The following CACNA2D3 variants were observed in gnomAD, a reference collection of about 807,000 sequenced individuals.
The protein encoded by CACNA2D3 is voltage-dependent calcium channel subunit alpha-2/delta-3.
In CACNA2D3, 60 loss-of-function variants were observed where a neutral mutation model predicts 160.6. The ratio of observed to expected loss-of-function variants is 0.37; its 90% CI spans 0.30 to 0.46. CACNA2D3 has a LOEUF of 0.46. Among genes scored for constraint, CACNA2D3 ranks in the 20% least tolerant of loss-of-function variants. The probability of loss-of-function intolerance (pLI) is 1.00; values close to 1 mark genes in which losing one functional copy is unlikely to be tolerated. For missense variants in CACNA2D3, 1,205 were observed against 1,365.0 expected (o/e 0.88, Z 1.85); for synonymous variants, 558 against 492.9 (o/e 1.13, Z -1.75).
At chr3:54,689,176 A>G (rs531129815) in intron 11 of CACNA2D3, among the ~76,000 whole-genome samples, 59 of 151,982 alleles carry the variant, frequency 3.9e-4, no homozygotes, top group Non-Finnish European at 7.5e-4. Context: ...AGCATTTAAC[A>G]CAGTCGATCT....
intron 13 of CACNA2D3, among the ~76,000 whole-genome samples, chr3:54,799,784 G>T (rs1365489138): frequency 6.6e-6 from 1 of 152,104 alleles, no homozygotes; most frequent in Non-Finnish European, 1.5e-5. Flanking sequence ...TGCCAAACAG[G>T]CTGTCTGCCT....
At chr3:54,785,868 A>C (rs1003514723) in intron 13 of CACNA2D3, among the ~76,000 whole-genome samples, 2 of 152,054 alleles carry the variant, frequency 1.3e-5, no homozygotes, top group Non-Finnish European at 2.9e-5. Flanking sequence ...TTCCCTTCTT[A>C]TCATTAGCAA....
At chr3:54,636,524 G>C (rs933492023) in intron 10 of CACNA2D3, among the ~76,000 whole-genome samples, 7 of 152,030 alleles carry the variant, frequency 4.6e-5, no homozygotes. Context: ...GTTGAGCATA[G>C]TTTGTGATTT....
chr3:54,673,132 T>C (rs1700188655), intron 11 of CACNA2D3, among the ~76,000 whole-genome samples: 1 of 152,228 alleles, frequency 6.6e-6, no homozygotes, highest in Admixed American at 6.5e-5. Flanking sequence ...CCACACATAC[T>C]TCTGTCTTTA....
rs749093134 is a variant in CACNA2D3 at position 54,320,579 on chromosome 3, C to A, written c.321+21C>A. 3 of 1,364,396 alleles carry A rather than the reference C, an allele frequency of 2.2e-6. No individual in the cohort carries two copies. In the South Asian group the frequency reaches 4.0e-5, roughly 18 times the overall value. 84.5% of individuals were successfully genotyped at this position (1,364,396 alleles called of 1,614,324 possible). On this transcript the variant is annotated intron_variant, in intron 3 of 37. Transcript: ENST00000474759. ...TCAGGGTAAGTGCCTATGTTTTGTG[C>A]CCTGTATCGCCTGAAGGCACAAAGG...
intron 11 of CACNA2D3, among the ~76,000 whole-genome samples, chr3:54,693,162 A>G (rs1700599573): frequency 6.6e-6 from 1 of 152,226 alleles, no homozygotes; most frequent in African/African-American, 2.4e-5. Flanking sequence ...TTATTATCTC[A>G]TCATCTCATA....
chr3:54,701,294 C>A (rs1019046775), intron 11 of CACNA2D3, among the ~76,000 whole-genome samples: 2 of 152,112 alleles, frequency 1.3e-5, no homozygotes, highest in Non-Finnish European at 2.9e-5. Context: ...GTCATTAAAG[C>A]TTTGAAAACT....
At position 54,763,413 on chromosome 3, in the gene CACNA2D3, A is replaced by G. The variant is rs370481174; in HGVS notation, c.1247-805A>G. On this transcript the variant is annotated intron_variant, in intron 12 of 37. Coordinates refer to ENST00000474759, the MANE Select transcript of CACNA2D3 (RefSeq NM_018398.3). ...ACAACGTTGATCAAGTGTTTAGCAA[A>G]TTTTATGGCACCTAGCACTCAAAAA... is the stretch of plus-strand genomic sequence containing the variant. Among the ~76,000 whole-genome samples the G allele has an allele frequency of 1.8e-4, 28 of 152,148 alleles. 2 individuals are homozygous for G. The highest frequency in any genetic ancestry group is 6.7e-4 in the African/African-American group (28 of 41,516).
At chr3:54,401,850 C>G (rs1699471880) in intron 4 of CACNA2D3, among the ~76,000 whole-genome samples, 1 of 152,130 alleles carries the variant, frequency 6.6e-6, no homozygotes, top group African/African-American at 2.4e-5. Flanking sequence ...CAGAATACTT[C>G]ATTGTTGATA....
At chr3:54,572,256 G>T (rs1702512239) in intron 8 of CACNA2D3, among the ~76,000 whole-genome samples, 1 of 152,228 alleles carries the variant, frequency 6.6e-6, no homozygotes, top group Non-Finnish European at 1.5e-5. Flanking sequence ...AAAAGAAAGA[G>T]AATACTAAAT....
intron 27 of CACNA2D3, among the ~76,000 whole-genome samples, chr3:54,909,650 T>TA (rs1700516940): frequency 2.6e-5 from 4 of 151,210 alleles, no homozygotes; most frequent in African/African-American, 9.7e-5. Flanking sequence ...GTGATTTTTT[T>TA]TTTTTTTTTT....
chr3:54,905,105 T>C (rs1327444592), intron 27 of CACNA2D3, among the ~76,000 whole-genome samples: 1 of 152,158 alleles, frequency 6.6e-6, no homozygotes, highest in Non-Finnish European at 1.5e-5. Flanking sequence ...ACAGCTTTAT[T>C]GAGGTAGGAT....
intron 2 of CACNA2D3, among the ~76,000 whole-genome samples, chr3:54,161,696 A>G (rs566852256): frequency 1.7e-4 from 26 of 152,316 alleles, no homozygotes; most frequent in African/African-American, 6.3e-4. Context: ...CAGCTTCACA[A>G]ACCTGTTCAA....
intron 14 of CACNA2D3, among the ~76,000 whole-genome samples, chr3:54,832,331 T>C (rs1703899208): frequency 6.6e-6 from 1 of 152,194 alleles, no homozygotes; most frequent in African/African-American, 2.4e-5. Flanking sequence ...CTGGGTTGGC[T>C]GTCCATCCCC....
At chr3:54,208,065 G>T (rs753707023) in intron 2 of CACNA2D3, among the ~76,000 whole-genome samples, 2 of 152,294 alleles carry the variant, frequency 1.3e-5, no homozygotes, top group South Asian at 4.1e-4. Flanking sequence ...TGAGTAGTGA[G>T]TGTGTTCTGG....
intron 24 of CACNA2D3, among the ~76,000 whole-genome samples, chr3:54,890,417 A>G (rs1395042205): frequency 6.8e-6 from 1 of 147,184 alleles, no homozygotes; most frequent in African/African-American, 2.5e-5. Flanking sequence ...AACGGCATGA[A>G]CCCGGGAGGC....
At chr3:54,127,505 AG>A (rs1178318990) in intron 2 of CACNA2D3, among the ~76,000 whole-genome samples, 1 of 152,208 alleles carries the variant, frequency 6.6e-6, no homozygotes, top group Non-Finnish European at 1.5e-5. Flanking sequence ...ATCAGGAATT[AG>A]GTAGCAGTGC....
intron 2 of CACNA2D3, among the ~76,000 whole-genome samples, chr3:54,166,115 T>C (rs1700449984): frequency 6.6e-6 from 1 of 152,164 alleles, no homozygotes; most frequent in Non-Finnish European, 1.5e-5. Flanking sequence ...TTTGTTGAGA[T>C]GGTTGGGCTT....
At chr3:55,038,049 G>A (rs1703869072) in intron 35 of CACNA2D3, among the ~76,000 whole-genome samples, 1 of 152,052 alleles carries the variant, frequency 6.6e-6, no homozygotes, top group African/African-American at 2.4e-5. Flanking sequence ...CTTAAATTTA[G>A]GACTCTCTCT....
Sources: gnomAD v4.1 joint callset for allele counts (sites outside exome capture counted in the v4.1 genomes callset) on GRCh38, gnomAD v4.1.1 for gene constraint, MANE v1.5 for transcripts, NCBI Gene and HGNC (gene_info 2026-07-23, HGNC 2026-07-21) for gene names.